The following SLC4A10 variants were observed in gnomAD, a reference collection of about 807,000 sequenced individuals.
SLC4A10 encodes sodium-driven chloride bicarbonate exchanger.
SLC4A10 carries 42 observed loss-of-function variants against 137.7 expected under a neutral mutation model. That is an observed-to-expected ratio of 0.30 (90% CI 0.24 to 0.39). SLC4A10 has a LOEUF of 0.39. SLC4A10 is among the 10% of genes least tolerant of loss of function. SLC4A10 has a pLI of 1.00. For synonymous variants in SLC4A10, 474 were observed against 464.1 expected, an observed-to-expected ratio of 1.02 and a Z score of -0.27; for missense variants, 925 against 1,355.0, an observed-to-expected ratio of 0.68 and a Z score of 4.98.
At chr2:161,677,290 A>G (rs376614336) in intron 1 of SLC4A10, among the ~76,000 whole-genome samples, 6 of 152,248 alleles carry the variant, frequency 3.9e-5, no homozygotes, top group African/African-American at 1.2e-4. Flanking sequence ...CCTCACTGGA[A>G]GCAGATGCTG....
At chr2:161,846,234 T>C (rs2059485190) in intron 4 of SLC4A10, among the ~76,000 whole-genome samples, 1 of 152,162 alleles carries the variant, frequency 6.6e-6, no homozygotes, top group African/African-American at 2.4e-5. Context: ...TCAATATCAT[T>C]AGTCATCAGG....
intron 1 of SLC4A10, among the ~76,000 whole-genome samples, chr2:161,668,645 A>T (rs933320677): frequency 5.3e-5 from 8 of 151,876 alleles, no homozygotes; most frequent in Non-Finnish European, 1.5e-5. Context: ...GGTTCAGGGA[A>T]TCCATAACTT....
At chr2:161,658,881 G>A (rs188571430) in intron 1 of SLC4A10, among the ~76,000 whole-genome samples, 4 of 152,002 alleles carry the variant, frequency 2.6e-5, no homozygotes, top group Admixed American at 6.6e-5. Flanking sequence ...ATGAGCCACC[G>A]AGCCTGGCCA....
chr2:161,669,774 A>G (rs890659575), intron 1 of SLC4A10, among the ~76,000 whole-genome samples: 1 of 152,040 alleles, frequency 6.6e-6, no homozygotes, highest in Non-Finnish European at 1.5e-5. Context: ...TCCACTGTAT[A>G]CAAAATAGTG....
rs566333022 is a variant in SLC4A10, at chr2:161,755,794, G to A, written c.49-15179G>A. ...AAATTTTTTTTTTTTTTTTTGAGACGGAGTCTTGCCCTGTCACCTAGGCTG... is the reference window on the plus strand; with the variant it reads ...AAATTTTTTTTTTTTTTTTTGAGACAGAGTCTTGCCCTGTCACCTAGGCTG... On this transcript the variant is annotated intron_variant, in intron 1 of 26. Transcript: ENST00000446997. Among the ~76,000 whole-genome samples, 24 of 144,890 alleles carry A rather than the reference G, an allele frequency of 1.7e-4. 1 individual carries two copies. In the South Asian group the frequency reaches 4.6e-3, roughly 28 times the overall value.
At chr2:161,717,601 T>C (rs1402578698) in intron 1 of SLC4A10, among the ~76,000 whole-genome samples, 1 of 152,208 alleles carries the variant, frequency 6.6e-6, no homozygotes, top group African/African-American at 2.4e-5. Flanking sequence ...TGTATATTGA[T>C]TTGCATACGC....
At chr2:161,749,247 T>C (rs1196251196) in intron 1 of SLC4A10, among the ~76,000 whole-genome samples, 2 of 151,996 alleles carry the variant, frequency 1.3e-5, no homozygotes, top group African/African-American at 4.8e-5. Flanking sequence ...TCTTTTTTCT[T>C]CCAATGTGGA....
intron 1 of SLC4A10, among the ~76,000 whole-genome samples, chr2:161,690,827 T>C (rs1482842027): frequency 6.6e-6 from 1 of 152,076 alleles, no homozygotes; most frequent in Non-Finnish European, 1.5e-5. Flanking sequence ...GAAAAATAGC[T>C]AATACATGCT....
chr2:161,753,746 G>A (rs1354811453), intron 1 of SLC4A10, among the ~76,000 whole-genome samples: 2 of 152,072 alleles, frequency 1.3e-5, no homozygotes, highest in South Asian at 2.1e-4. Context: ...TCTATAAATT[G>A]CAGGCAGAGA....
chr2:161,919,460 TC>T (rs1687742082), intron 15 of SLC4A10, among the ~76,000 whole-genome samples: 1 of 151,738 alleles, frequency 6.6e-6, no homozygotes, highest in African/African-American at 2.4e-5. Flanking sequence ...ACACACTTCT[TC>T]CCCTCTGGAG....
intron 1 of SLC4A10, among the ~76,000 whole-genome samples, chr2:161,720,678 T>C (rs1178458388): frequency 6.6e-6 from 1 of 152,176 alleles, no homozygotes; most frequent in African/African-American, 2.4e-5. Context: ...AAAGTCTCTT[T>C]TGTCAGAAAC....
At chr2:161,671,886 G>T (rs1026365921) in intron 1 of SLC4A10, among the ~76,000 whole-genome samples, 1 of 152,148 alleles carries the variant, frequency 6.6e-6, no homozygotes, top group Non-Finnish European at 1.5e-5. Context: ...TATAAATCAA[G>T]CCAAAGGAAA....
In SLC4A10 at chr2:161,661,427, T is replaced by C. The variant is rs570255104; in HGVS notation, c.48+36861T>C. ...AGGCGGAGGTTGCAGTGAGCCGAGA[T>C]TGCACCACTGCACTCCAGCCTGGCA... On this transcript the variant is annotated intron_variant, in intron 1 of 26. Coordinates refer to ENST00000446997, the MANE Select transcript of SLC4A10 (RefSeq NM_001178015.2). Among the ~76,000 whole-genome samples the C allele has an allele frequency of 2.0e-5, 3 of 152,206 alleles. No homozygotes were observed. In the East Asian group the frequency reaches 5.9e-4, roughly 30 times the overall value.
At position 161,863,055 on chromosome 2, in the gene SLC4A10, C is replaced by T. The variant is rs767124138; in HGVS notation, c.759C>T (p.Asp253=). 6 of 1,613,024 alleles carry T rather than the reference C, an allele frequency of 3.7e-6. No individual in the cohort carries two copies. Among genetic ancestry groups the T allele is most frequent in the Non-Finnish European group, 5.1e-6 (6 of 1,179,468 alleles). ...GKKQSEPNSM[D]KNAGQVVSPQ... ...AACAGTCAGAACCAAATTCCATGGA[C>T]AAAAATGGTAAATGTTTATTTATTG... Residue 253 remains aspartate (D), a synonymous_variant, in exon 6 of 27, where the codon GAC becomes GAT. Coordinates refer to ENST00000446997, the MANE Select transcript of SLC4A10 (RefSeq NM_001178015.2).
intron 1 of SLC4A10, among the ~76,000 whole-genome samples, chr2:161,677,769 G>T (rs901538012): frequency 1.3e-5 from 2 of 152,198 alleles, no homozygotes; most frequent in African/African-American, 4.8e-5. Flanking sequence ...CTGGTACATA[G>T]AGAATTAAGT....
At chr2:161,757,007 T>C (rs1484884694) in intron 1 of SLC4A10, among the ~76,000 whole-genome samples, 1 of 152,276 alleles carries the variant, frequency 6.6e-6, no homozygotes, top group Non-Finnish European at 1.5e-5. Context: ...TGAGGCAGTA[T>C]GTGCACAACA....
At chr2:161,651,806 G>A (rs1295290366) in intron 1 of SLC4A10, among the ~76,000 whole-genome samples, 1 of 139,918 alleles carries the variant, frequency 7.1e-6, no homozygotes, top group Non-Finnish European at 1.6e-5. Context: ...ATCCCTCCCT[G>A]CTCTGCGCCT....
chr2:161,925,301 T>C (rs1206307533), intron 15 of SLC4A10, among the ~76,000 whole-genome samples: 1 of 152,224 alleles, frequency 6.6e-6, no homozygotes, highest in Non-Finnish European at 1.5e-5. Context: ...GAGGAATTTA[T>C]CCATTTCTTC....
At chr2:161,951,717 T>G (rs1312405837) in intron 19 of SLC4A10, among the ~76,000 whole-genome samples, 1 of 152,130 alleles carries the variant, frequency 6.6e-6, no homozygotes, top group African/African-American at 2.4e-5. Flanking sequence ...AATTTTTTTA[T>G]AGGAATGTTA....
Sources: allele counts gnomAD v4.1 joint callset (sites outside exome capture counted in the v4.1 genomes callset), GRCh38; gene constraint gnomAD v4.1.1; transcripts MANE v1.5; gene names NCBI Gene and HGNC (gene_info 2026-07-23, HGNC 2026-07-21).